Variants in BMPR1B observed in about 807,000 individuals in gnomAD.
BMPR1B encodes bone morphogenetic protein receptor type-1B.
A neutral mutation model predicts 59.1 loss-of-function variants in BMPR1B; 12 were observed. The ratio of observed to expected loss-of-function variants is 0.20; its 90% CI spans 0.13 to 0.33. The LOEUF (loss-of-function observed/expected upper bound fraction) is 0.33. Among genes scored for constraint, BMPR1B ranks in the 10% least tolerant of loss-of-function variants. The pLI is 1.00. For missense variants in BMPR1B, 550 were observed against 610.9 expected (o/e 0.90, Z 1.05); for synonymous variants, 237 against 207.3 (o/e 1.14, Z -1.23).
intron 3 of BMPR1B, among the ~76,000 whole-genome samples, chr4:94,996,775 T>G (rs1452580259): frequency 6.6e-6 from 1 of 152,178 alleles, no homozygotes; most frequent in East Asian, 1.9e-4. Flanking sequence ...TATTGGATTC[T>G]TAAAAACTGC....
At chr4:95,124,821 T>A (rs1172793805) in intron 7 of BMPR1B, among the ~76,000 whole-genome samples, 162 bp from the exon 8 acceptor site, 1 of 152,068 alleles carries the variant, frequency 6.6e-6, no homozygotes, top group Non-Finnish European at 1.5e-5. Context: ...CAGTAATGAG[T>A]TTTACTTGGG....
intron 10 of BMPR1B, among the ~76,000 whole-genome samples, chr4:95,138,101 G>A (rs546870708): frequency 6.6e-6 from 1 of 152,290 alleles, no homozygotes; most frequent in South Asian, 2.1e-4. Context: ...AGGCAGGCCT[G>A]ATGGTGACAA....
intron 6 of BMPR1B, among the ~76,000 whole-genome samples, chr4:95,122,815 G>A (rs1333764768): frequency 6.6e-6 from 1 of 152,138 alleles, no homozygotes; most frequent in Non-Finnish European, 1.5e-5. Flanking sequence ...ATATAGTACA[G>A]TTGGAAAACG....
rs1560624943 is a variant in BMPR1B, at chr4:95,061,212, A to ACACAC, written c.-17-43194_-17-43190dup. ...ACACACACACACACACACACACACC[A>ACACAC]CACACCCCTCCATTGAATATACATA... On this transcript the variant is annotated intron_variant, in intron 3 of 12. Transcript: ENST00000515059. Among the ~76,000 whole-genome samples, 495 of 131,670 alleles carry ACACAC rather than the reference A, an allele frequency of 3.8e-3. 2 individuals carry two copies. Among genetic ancestry groups the ACACAC allele is most frequent in the Non-Finnish European group, 6.1e-3 (369 of 60,666 alleles). 86.4% of individuals were successfully genotyped at this position (131,670 alleles called of 152,430 possible). A position where few individuals can be genotyped will look rare whatever the true frequency, so the allele number is the denominator to read the frequency against.
intron 3 of BMPR1B, among the ~76,000 whole-genome samples, chr4:95,064,266 G>A (rs1727634589): frequency 6.6e-6 from 1 of 152,170 alleles, no homozygotes; most frequent in East Asian, 1.9e-4. Flanking sequence ...AGTCATCCCT[G>A]ACCTGTTAGG....
chr4:94,997,651 T>G (rs1722153893), intron 3 of BMPR1B, among the ~76,000 whole-genome samples: 1 of 152,192 alleles, frequency 6.6e-6, no homozygotes, highest in Non-Finnish European at 1.5e-5. Flanking sequence ...GCCTACCATT[T>G]CCATTTTATT....
At chr4:95,143,637 T>A (rs907801270) in intron 10 of BMPR1B, among the ~76,000 whole-genome samples, 1 of 152,220 alleles carries the variant, frequency 6.6e-6, no homozygotes, top group Non-Finnish European at 1.5e-5. Flanking sequence ...TTCTATATCA[T>A]ACCACTGTCA....
At chr4:95,067,583 G>T (rs1007618072) in intron 3 of BMPR1B, among the ~76,000 whole-genome samples, 1 of 152,156 alleles carries the variant, frequency 6.6e-6, no homozygotes, top group Non-Finnish European at 1.5e-5. Flanking sequence ...TGCATGAACA[G>T]CATTAACAAA....
intron 3 of BMPR1B, among the ~76,000 whole-genome samples, chr4:95,074,108 T>TC (rs1560633649): frequency 6.6e-6 from 1 of 152,050 alleles, no homozygotes; most frequent in Non-Finnish European, 1.5e-5. Context: ...GTTTTTTTTT[T>TC]ACTGAAGATA....
chr4:94,857,170 C>T (rs952762144), intron 1 of BMPR1B, among the ~76,000 whole-genome samples: 1 of 151,808 alleles, frequency 6.6e-6, no homozygotes, highest in African/African-American at 2.4e-5. Flanking sequence ...AAGATAAATG[C>T]AAATGTCTGA....
At position 95,154,980 on chromosome 4, in the gene BMPR1B, T is replaced by C. The variant is rs1579175858; in HGVS notation, c.*307T>C. The stretch of plus-strand genomic sequence containing the variant: ...TGATTGCCTTTTTTTTTTTTTAAGA[T>C]GCTTTCATTTTGCCAAAATAAAACA... On this transcript the variant is annotated 3_prime_UTR_variant, in exon 13 of 13. Coordinates refer to ENST00000515059, the MANE Select transcript of BMPR1B (RefSeq NM_001203.3). 3.0e-6 allele frequency: 1 copy of C among 338,062 alleles called. No individual in the cohort carries two copies. The highest frequency in any genetic ancestry group is 5.6e-6 in the Non-Finnish European group (1 of 177,648). The allele number at this position is 338,062 out of a possible 1,614,324, so 20.9% of individuals were successfully genotyped here. A position where few individuals can be genotyped will look rare whatever the true frequency, so the allele number is the denominator to read the frequency against.
intron 3 of BMPR1B, among the ~76,000 whole-genome samples, chr4:95,016,133 C>A (rs7681920): frequency 0.67 from 101,929 of 152,118 alleles, 34,506 homozygotes; most frequent in Middle Eastern, 0.8. Flanking sequence ...GATGGTGATA[C>A]AATTTGAACT....
intron 2 of BMPR1B, among the ~76,000 whole-genome samples, chr4:94,941,254 AC>A (rs1295513078): frequency 6.6e-6 from 1 of 151,226 alleles, no homozygotes; most frequent in African/African-American, 2.4e-5. Context: ...GCATAGCGAA[AC>A]CCCATCTCTA....
At chr4:94,806,640 A>C (rs181586126) in intron 1 of BMPR1B, among the ~76,000 whole-genome samples, 61 of 152,284 alleles carry the variant, frequency 4.0e-4, no homozygotes, top group African/African-American at 1.3e-3. Context: ...TCAAAATGTA[A>C]ATAACTGAGT....
intron 1 of BMPR1B, among the ~76,000 whole-genome samples, chr4:94,864,527 T>C (rs6828737): frequency 0.069 from 10,479 of 152,220 alleles, 917 homozygotes; most frequent in African/African-American, 0.21. Flanking sequence ...GTTTCTAAGC[T>C]GTATAGTTCT....
chr4:95,049,563 A>G (rs1726307576), intron 3 of BMPR1B, among the ~76,000 whole-genome samples: 1 of 148,852 alleles, frequency 6.7e-6, no homozygotes, highest in Non-Finnish European at 1.5e-5. Flanking sequence ...CCACTTACTA[A>G]TAGGAGCTGT....
At chr4:95,126,925 T>A (rs1423919869) in intron 8 of BMPR1B, among the ~76,000 whole-genome samples, 1 of 152,144 alleles carries the variant, frequency 6.6e-6, no homozygotes, top group Non-Finnish European at 1.5e-5. Context: ...TTGGACCTTG[T>A]GTTTAACAAA....
At chr4:94,928,941 T>A (rs1728991364) in intron 2 of BMPR1B, among the ~76,000 whole-genome samples, 1 of 152,134 alleles carries the variant, frequency 6.6e-6, no homozygotes, top group Non-Finnish European at 1.5e-5. Context: ...CATTTATTTT[T>A]ACTTTTATGC....
chr4:94,862,078 TA>T (rs1726004147), intron 1 of BMPR1B, among the ~76,000 whole-genome samples: 1 of 151,492 alleles, frequency 6.6e-6, no homozygotes, highest in South Asian at 2.1e-4. Context: ...AACCAACACC[TA>T]ATCTTGACTT....
Sources: gnomAD v4.1 joint callset for allele counts (sites outside exome capture counted in the v4.1 genomes callset) on GRCh38, gnomAD v4.1.1 for gene constraint, MANE v1.5 for transcripts, NCBI Gene and HGNC (gene_info 2026-07-23, HGNC 2026-07-21) for gene names.